The following STXBP5 variants were observed in gnomAD, a reference collection of about 807,000 sequenced individuals.
STXBP5 encodes the protein syntaxin-binding protein 5.
STXBP5 carries 50 observed loss-of-function variants against 152.4 expected under a neutral mutation model. That is an observed-to-expected ratio of 0.33 (90% CI 0.26 to 0.42). STXBP5 has a LOEUF of 0.42. Among genes scored for constraint, STXBP5 ranks in the 10% least tolerant of loss-of-function variants. The pLI is 1.00. For missense variants in STXBP5, 1,167 were observed against 1,388.6 expected, an observed-to-expected ratio of 0.84 and a Z score of 2.54; for synonymous variants, 492 against 494.7, an observed-to-expected ratio of 0.99 and a Z score of 0.07.
chr6:147,270,707 C>G (rs1780123054), intron 7 of STXBP5, among the ~76,000 whole-genome samples: 1 of 151,940 alleles, frequency 6.6e-6, no homozygotes, highest in South Asian at 2.1e-4. Flanking sequence ...CCAGACATGG[C>G]AAATATGTGG....
At chr6:147,324,819 G>T (rs1340651056) in intron 16 of STXBP5, 140 bp from the exon 17 acceptor site, 1 of 783,144 alleles carries the variant, frequency 1.3e-6, no homozygotes, top group Non-Finnish European at 1.8e-6. Flanking sequence ...CCTCCAACTA[G>T]GTTAAATGCT....
chr6:147,338,317 T>C (rs547117706), intron 19 of STXBP5, among the ~76,000 whole-genome samples: 2 of 152,086 alleles, frequency 1.3e-5, no homozygotes, highest in East Asian at 3.9e-4. Context: ...ATATGAGAAA[T>C]ATATAGATAA....
chr6:147,340,629 AG>A (rs1784047658), intron 21 of STXBP5, among the ~76,000 whole-genome samples: 1 of 152,076 alleles, frequency 6.6e-6, no homozygotes, highest in South Asian at 2.1e-4. Flanking sequence ...AACAACTTTA[AG>A]AATTAAATTA....
chr6:147,297,764 AAAGTT>A (rs1348893303), intron 9 of STXBP5, among the ~76,000 whole-genome samples: 2 of 152,138 alleles, frequency 1.3e-5, no homozygotes, highest in African/African-American at 2.4e-5. Flanking sequence ...TTATGCAGCT[AAAGTT>A]AAGTTGTTAT....
intron 2 of STXBP5, among the ~76,000 whole-genome samples, chr6:147,218,540 G>A (rs1777296478): frequency 6.6e-6 from 1 of 151,954 alleles, no homozygotes; most frequent in Admixed American, 6.6e-5. Context: ...GAGTGCAGTG[G>A]TACAAACACA....
chr6:147,250,064 G>T (rs1027135346), intron 4 of STXBP5, among the ~76,000 whole-genome samples: 1 of 152,124 alleles, frequency 6.6e-6, no homozygotes, highest in Non-Finnish European at 1.5e-5. Flanking sequence ...TTGCCAGCTT[G>T]GACTGAAAAG....
chr6:147,267,737 A>C (rs1779964462), intron 7 of STXBP5, among the ~76,000 whole-genome samples: 2 of 152,052 alleles, frequency 1.3e-5, no homozygotes, highest in South Asian at 4.1e-4. Context: ...TAATTTACTG[A>C]GGCTTGATCA....
chr6:147,323,321 T>G, intron 16 of STXBP5, among the ~76,000 whole-genome samples: 1 of 152,198 alleles, frequency 6.6e-6, no homozygotes, highest in Admixed American at 6.5e-5. Flanking sequence ...CCTGTTCTAC[T>G]TCGTCTTACC....
chr6:147,372,582 A>C (rs984985191), intron 25 of STXBP5, among the ~76,000 whole-genome samples: 1 of 150,296 alleles, frequency 6.7e-6, no homozygotes, highest in African/African-American at 2.4e-5. Context: ...TTACAGGCGC[A>C]GGCCACCACG....
chr6:147,274,069 A>C (rs1353747537), intron 7 of STXBP5, among the ~76,000 whole-genome samples: 1 of 152,118 alleles, frequency 6.6e-6, no homozygotes, highest in Non-Finnish European at 1.5e-5. Context: ...TTCTCCCTTA[A>C]GGGTTTTTTC....
chr6:147,278,026 A>G, intron 7 of STXBP5, 55 bp from the exon 8 acceptor site: 1 of 1,458,870 alleles, frequency 6.9e-7, no homozygotes, highest in Non-Finnish European at 9.3e-7. Context: ...GATCATTTAC[A>G]AATAGTTTAC....
intron 21 of STXBP5, among the ~76,000 whole-genome samples, chr6:147,340,025 A>G (rs558121492): frequency 1.3e-5 from 2 of 152,184 alleles, no homozygotes; most frequent in African/African-American, 2.4e-5. Context: ...TAGGGTTTCA[A>G]GGTCACGAAA....
chr6:147,329,484 A>T (rs1341718920), intron 18 of STXBP5, among the ~76,000 whole-genome samples: 1 of 150,932 alleles, frequency 6.6e-6, no homozygotes, highest in Non-Finnish European at 1.5e-5. Context: ...TAAATATTTG[A>T]AATAAAATTA....
intron 24 of STXBP5, 31 bp downstream of exon 24, chr6:147,363,735 T>G (rs367986851): frequency 2.1e-5 from 33 of 1,566,016 alleles, no homozygotes; most frequent in Non-Finnish European, 2.8e-5. Context: ...AAAACACAGA[T>G]ATAGCATTTC....
At chr6:147,370,956 A>G (rs1785511300) in intron 25 of STXBP5, among the ~76,000 whole-genome samples, 1 of 152,104 alleles carries the variant, frequency 6.6e-6, no homozygotes, top group South Asian at 2.1e-4. Flanking sequence ...ACCAAAGCCC[A>G]TACATTGACC....
At chr6:147,241,827 C>T (rs1778559927) in intron 4 of STXBP5, among the ~76,000 whole-genome samples, 1 of 152,112 alleles carries the variant, frequency 6.6e-6, no homozygotes. Flanking sequence ...TATAAACTAA[C>T]CTATTGTGCT....
chr6:147,226,183 G>T (rs1777700685), intron 2 of STXBP5, among the ~76,000 whole-genome samples: 1 of 151,864 alleles, frequency 6.6e-6, no homozygotes, highest in South Asian at 2.1e-4. Flanking sequence ...AGTGCCTGTA[G>T]TCCCAGCTGC....
At position 147,314,642 on chromosome 6, in the gene STXBP5, T is replaced by C. The variant is rs1205592376; in HGVS notation, c.1402+6T>C. ...GTTCTGGGATGCTTCTGCAAGTAAG[T>C]ATTTTTAATATTCATTATTTGTTAT... On this transcript the variant is annotated splice_donor_region_variant and intron_variant, in intron 14 of 27. Transcript: ENST00000321680. 1 of 1,601,990 alleles carries C rather than the reference T, an allele frequency of 6.2e-7. No homozygotes were observed. Among genetic ancestry groups the C allele is most frequent in the Admixed American group, 1.7e-5 (1 of 58,428 alleles).
intron 8 of STXBP5, among the ~76,000 whole-genome samples, chr6:147,287,531 G>A (rs894210729): frequency 2.6e-5 from 4 of 152,166 alleles, no homozygotes; most frequent in African/African-American, 9.7e-5. Context: ...TTTAAAGAGT[G>A]GAACTGGATT....
Sources: gnomAD v4.1 joint callset for allele counts (sites outside exome capture counted in the v4.1 genomes callset) on GRCh38, gnomAD v4.1.1 for gene constraint, MANE v1.5 for transcripts, NCBI Gene and HGNC (gene_info 2026-07-23, HGNC 2026-07-21) for gene names.